The following ZMYND11 variants were observed in gnomAD, a reference collection of about 807,000 sequenced individuals.
The protein encoded by ZMYND11 is zinc finger MYND-type containing 11.
A neutral mutation model predicts 84.9 loss-of-function variants in ZMYND11; 9 were observed. That is an observed-to-expected ratio of 0.11 (90% confidence interval 0.06 to 0.18). The LOEUF is 0.18. Among genes scored for constraint, ZMYND11 ranks in the 10% least tolerant of loss-of-function variants. ZMYND11 has a pLI of 1.00. For missense variants in ZMYND11, 409 were observed against 761.0 expected (o/e 0.54, Z 5.44); for synonymous variants, 250 against 244.1 (o/e 1.02, Z -0.23).
chr10:244,914 T>A (rs574665827), intron 10 of ZMYND11, among the ~76,000 whole-genome samples: 1 of 152,198 alleles, frequency 6.6e-6, no homozygotes, highest in African/African-American at 2.4e-5. Flanking sequence ...AAAATACTCT[T>A]ACAGATACAA....
At chr10:236,671 T>G (rs1436426024) in intron 4 of ZMYND11, among the ~76,000 whole-genome samples, 167 bp from the exon 5 acceptor site, 1 of 151,938 alleles carries the variant, frequency 6.6e-6, no homozygotes, top group Non-Finnish European at 1.5e-5. Flanking sequence ...TTAGATGCTG[T>G]TTTTTTTATG....
intron 2 of ZMYND11, among the ~76,000 whole-genome samples, chr10:180,453 G>A (rs984978083): frequency 6.6e-6 from 1 of 152,194 alleles, no homozygotes; most frequent in Non-Finnish European, 1.5e-5. Flanking sequence ...AGGCTGGAGT[G>A]TGGTGACCCG....
intron 1 of ZMYND11, among the ~76,000 whole-genome samples, chr10:160,228 A>G (rs1554761252): frequency 6.6e-6 from 1 of 152,256 alleles, no homozygotes; most frequent in East Asian, 1.9e-4. Flanking sequence ...TGGCTTCCCA[A>G]TATGGATAAA....
intron 1 of ZMYND11, among the ~76,000 whole-genome samples, chr10:150,603 T>C (rs944119980): frequency 5.3e-5 from 8 of 152,192 alleles, no homozygotes; most frequent in Admixed American, 5.2e-4. Context: ...TCGAACTGGG[T>C]GGAGCCCACT....
intron 1 of ZMYND11, among the ~76,000 whole-genome samples, chr10:145,770 G>A (rs1037119659): frequency 2.0e-5 from 3 of 152,170 alleles, no homozygotes; most frequent in Admixed American, 6.5e-5. Flanking sequence ...TGAGTTCCCT[G>A]TAGATTCTGG....
intron 1 of ZMYND11, among the ~76,000 whole-genome samples, chr10:137,120 C>G (rs1382315908): frequency 1.3e-5 from 2 of 152,092 alleles, no homozygotes; most frequent in East Asian, 3.9e-4. Flanking sequence ...ATGCACTATC[C>G]TTGTCACATA....
intron 2 of ZMYND11, among the ~76,000 whole-genome samples, chr10:181,848 A>G (rs1847953275): frequency 2.0e-5 from 3 of 152,240 alleles, no homozygotes; most frequent in Admixed American, 2.0e-4. Flanking sequence ...CTTTTAAATA[A>G]AGCACATAAT....
chr10:231,888 T>A (rs984036718), intron 4 of ZMYND11, among the ~76,000 whole-genome samples: 6 of 152,336 alleles, frequency 3.9e-5, no homozygotes, highest in Non-Finnish European at 8.8e-5. Context: ...AACTTTGCCA[T>A]CTCATAGAAT....
chr10:237,138 A>G (rs1021196530), intron 5 of ZMYND11, among the ~76,000 whole-genome samples: 6 of 152,212 alleles, frequency 3.9e-5, no homozygotes, highest in African/African-American at 1.4e-4. Context: ...TTTTGACATA[A>G]GCTACATGAG....
At chr10:239,854 C>G (rs1950585796) in intron 7 of ZMYND11, 6 of 566,992 alleles carry the variant, frequency 1.1e-5, no homozygotes, top group South Asian at 4.7e-5. Context: ...AGGTCATTCT[C>G]TATACCCTGA....
At chr10:165,848 A>G (rs1200931048) in intron 1 of ZMYND11, among the ~76,000 whole-genome samples, 1 of 152,198 alleles carries the variant, frequency 6.6e-6, no homozygotes, top group Non-Finnish European at 1.5e-5. Flanking sequence ...CCAAAGCTAC[A>G]GTAATCAAAA....
At chr10:146,995 C>T (rs1839037484) in intron 1 of ZMYND11, among the ~76,000 whole-genome samples, 1 of 152,232 alleles carries the variant, frequency 6.6e-6, no homozygotes, top group Non-Finnish European at 1.5e-5. Flanking sequence ...TTATAAATTA[C>T]CCAGTCTCGA....
At chr10:151,640 T>C (rs1840399855) in intron 1 of ZMYND11, among the ~76,000 whole-genome samples, 1 of 152,180 alleles carries the variant, frequency 6.6e-6, no homozygotes, top group Admixed American at 6.5e-5. Context: ...GAAAACACTC[T>C]GCAGGATATT....
At chr10:244,130 A>G (rs1351387965) in intron 10 of ZMYND11, among the ~76,000 whole-genome samples, 1 of 152,180 alleles carries the variant, frequency 6.6e-6, no homozygotes, top group African/African-American at 2.4e-5. Context: ...ATTTGAAGTG[A>G]AGGACTGGTT....
At chr10:194,141 C>G (rs971703520) in intron 2 of ZMYND11, among the ~76,000 whole-genome samples, 1 of 152,038 alleles carries the variant, frequency 6.6e-6, no homozygotes, top group African/African-American at 2.4e-5. Flanking sequence ...GATGCCACCA[C>G]GCCTGGCTAA....
intron 14 of ZMYND11, among the ~76,000 whole-genome samples, chr10:251,390 A>C (rs916168807): frequency 6.6e-6 from 1 of 152,214 alleles, no homozygotes; most frequent in African/African-American, 2.4e-5. Flanking sequence ...CTGAAGGTGC[A>C]CTTGCTGACA....
intron 4 of ZMYND11, among the ~76,000 whole-genome samples, chr10:230,023 TATTTTG>T: frequency 6.6e-6 from 1 of 151,442 alleles, no homozygotes; most frequent in Non-Finnish European, 1.5e-5. Flanking sequence ...TAAGAGAATT[TATTTTG>T]ATTATTTTGT....
chr10:144,629 C>T (rs1241456400), intron 1 of ZMYND11, among the ~76,000 whole-genome samples: 1 of 134,822 alleles, frequency 7.4e-6, no homozygotes, highest in East Asian at 2.2e-4. Context: ...GCTGGCTGAG[C>T]GTCTGAATTC....
intron 1 of ZMYND11, among the ~76,000 whole-genome samples, chr10:179,165 C>A (rs751080264): frequency 6.6e-6 from 1 of 152,118 alleles, no homozygotes; most frequent in South Asian, 2.1e-4. Flanking sequence ...TTACCAGATT[C>A]CTACAAGCAC....
Sources: gnomAD v4.1 joint callset for allele counts (sites outside exome capture counted in the v4.1 genomes callset) on GRCh38, gnomAD v4.1.1 for gene constraint, MANE v1.5 for transcripts, NCBI Gene and HGNC (gene_info 2026-07-23, HGNC 2026-07-21) for gene names.